The following LRRC7 variants were observed in gnomAD, a reference collection of about 807,000 sequenced individuals.
The protein encoded by LRRC7 is leucine rich repeat containing 7.
Under a neutral mutation model 175.7 loss-of-function variants are expected in LRRC7, and 23 were observed. That is an observed-to-expected ratio of 0.13 (90% CI 0.09 to 0.19). The LOEUF is 0.19. LRRC7 is among the 10% of genes least tolerant of loss of function. The probability of loss-of-function intolerance (pLI) is 1.00; values close to 1 mark genes in which losing one functional copy is unlikely to be tolerated. For missense variants in LRRC7, 1,354 were observed against 1,904.7 expected, an observed-to-expected ratio of 0.71 and a Z score of 5.38; for synonymous variants, 685 against 680.9, an observed-to-expected ratio of 1.01 and a Z score of -0.09.
intron 3 of LRRC7, among the ~76,000 whole-genome samples, chr1:69,775,249 G>C (rs970962042): frequency 1.1e-4 from 17 of 152,216 alleles, no homozygotes; most frequent in African/African-American, 4.1e-4. Context: ...ATTTCATTAA[G>C]GTGTTTCAAT....
intron 26 of LRRC7, among the ~76,000 whole-genome samples, chr1:70,118,187 C>T (rs989772449): frequency 2.0e-5 from 3 of 152,018 alleles, no homozygotes; most frequent in Admixed American, 1.3e-4. Flanking sequence ...AATATAGTAA[C>T]ATAGTTGTTT....
intron 1 of LRRC7, among the ~76,000 whole-genome samples, chr1:69,623,626 C>T (rs1651004967): frequency 6.6e-6 from 1 of 150,552 alleles, no homozygotes; most frequent in African/African-American, 2.4e-5. Flanking sequence ...TCTCGGCTCA[C>T]CGCAACCTCT....
In LRRC7 at chr1:69,647,179, G is replaced by A. The variant is rs189030389; in HGVS notation, c.3-31202G>A. ...TGAGAAATGAGTTTGTACTTAAATG[G>A]GCAGAAAATTAGCCAAAAGTCATCC... On this transcript the variant is annotated intron_variant, in intron 1 of 26. Transcript: ENST00000651989. Among the ~76,000 whole-genome samples, 266 of 152,064 alleles carry A rather than the reference G, an allele frequency of 1.7e-3. 1 individual carries two copies. Among genetic ancestry groups the A allele is most frequent in the African/African-American group, 6.1e-3 (254 of 41,494 alleles).
chr1:69,903,746 T>C (rs1361696224), intron 7 of LRRC7, among the ~76,000 whole-genome samples: 4 of 151,772 alleles, frequency 2.6e-5, no homozygotes, highest in Non-Finnish European at 5.9e-5. Flanking sequence ...ACTAACAAAA[T>C]AGATCACTAG....
At chr1:69,961,978 A>C (rs1052988695) in intron 8 of LRRC7, among the ~76,000 whole-genome samples, 1 of 152,148 alleles carries the variant, frequency 6.6e-6, no homozygotes, top group African/African-American at 2.4e-5. Flanking sequence ...AAAAAGCAAA[A>C]ATTAACAAAT....
intron 4 of LRRC7, among the ~76,000 whole-genome samples, chr1:69,811,919 TAAA>T (rs968968876): frequency 6.6e-6 from 1 of 152,012 alleles, no homozygotes; most frequent in African/African-American, 2.4e-5. Flanking sequence ...TAAACTATAA[TAAA>T]AAATTTTTAA....
intron 3 of LRRC7, among the ~76,000 whole-genome samples, chr1:69,781,590 G>A (rs1037586940): frequency 4.7e-5 from 7 of 150,244 alleles, no homozygotes; most frequent in Non-Finnish European, 8.9e-5. Flanking sequence ...GCTGAGGCAG[G>A]AGAATCGCTT....
intron 8 of LRRC7, among the ~76,000 whole-genome samples, chr1:69,939,937 A>C (rs1361631206): frequency 6.6e-6 from 1 of 152,118 alleles, no homozygotes; most frequent in African/African-American, 2.4e-5. Flanking sequence ...TTGAAGCATC[A>C]ATCCCAATTT....
chr1:69,779,633 T>C (rs1459118994), intron 3 of LRRC7, among the ~76,000 whole-genome samples: 2 of 152,114 alleles, frequency 1.3e-5, no homozygotes, highest in African/African-American at 4.8e-5. Flanking sequence ...AAGGGAAAAA[T>C]GATTCAACAA....
rs1670888271 is a variant in LRRC7, at chr1:69,760,222, A to G, written c.132A>G (p.Lys44=). ...LQCLEMTTKR[K]IIGRLVPCRC... ...GCCTGGAGATGACCACCAAACGGAA[A>G]ATCATCGGCCGTCTGGTGCCATGCC... is the stretch of plus-strand genomic sequence containing the variant. The change falls in exon 3 of 27, where the codon AAA becomes AAG. Residue 44 remains lysine, a synonymous_variant. Coordinates refer to ENST00000651989, the MANE Select transcript of LRRC7 (RefSeq NM_001370785.2). The G allele has an allele frequency of 6.2e-7, 1 of 1,612,786 alleles. No homozygotes were observed. Among genetic ancestry groups the G allele is most frequent in the Non-Finnish European group, 8.5e-7 (1 of 1,179,238 alleles).
chr1:70,059,788 A>G (rs1016101605), intron 23 of LRRC7, among the ~76,000 whole-genome samples: 4 of 152,040 alleles, frequency 2.6e-5, no homozygotes, highest in African/African-American at 9.7e-5. Flanking sequence ...TGGCCAAATC[A>G]TCATTTGTGC....
At chr1:69,917,085 T>C (rs944725953) in intron 7 of LRRC7, among the ~76,000 whole-genome samples, 1 of 152,184 alleles carries the variant, frequency 6.6e-6, no homozygotes, top group African/African-American at 2.4e-5. Context: ...AATGTAACTA[T>C]AGATTGGTAA....
intron 1 of LRRC7, among the ~76,000 whole-genome samples, chr1:69,666,595 A>G (rs1361693192): frequency 2.0e-5 from 3 of 152,066 alleles, no homozygotes; most frequent in South Asian, 2.1e-4. Flanking sequence ...TTTTCAATTT[A>G]TCATCATATA....
At chr1:69,965,550 C>A (rs573004500) in intron 8 of LRRC7, among the ~76,000 whole-genome samples, 1 of 151,686 alleles carries the variant, frequency 6.6e-6, no homozygotes, top group Non-Finnish European at 1.5e-5. Flanking sequence ...TTTATTCATT[C>A]AATAATTATT....
chr1:69,833,621 C>T (rs185887780), intron 5 of LRRC7, among the ~76,000 whole-genome samples: 17 of 151,790 alleles, frequency 1.1e-4, no homozygotes, highest in African/African-American at 3.1e-4. Flanking sequence ...TGGAATAAAA[C>T]GCAGATATAA....
At chr1:69,672,617 C>A (rs936217454) in intron 1 of LRRC7, among the ~76,000 whole-genome samples, 6 of 152,232 alleles carry the variant, frequency 3.9e-5, no homozygotes, top group South Asian at 4.1e-4. Context: ...ATATTTGAAA[C>A]CTTTATTCTA....
intron 7 of LRRC7, chr1:69,874,396 C>T (rs1685853505): frequency 6.6e-6 from 1 of 152,118 alleles, no homozygotes; most frequent in South Asian, 2.1e-4. Flanking sequence ...TACAAGGTCA[C>T]CATCTTGCTG....
chr1:69,694,634 G>C lies in LRRC7; in HGVS notation c.100+16156G>C, dbSNP rs1662327490. 1.3e-5 allele frequency among the ~76,000 whole-genome samples: 2 copies of C among 152,042 alleles called. 1 individual carries two copies. Among genetic ancestry groups the C allele is most frequent in the South Asian group, 4.2e-4 (2 of 4,810 alleles). On this transcript the variant is annotated intron_variant, in intron 2 of 26. Coordinates refer to ENST00000651989, the MANE Select transcript of LRRC7 (RefSeq NM_001370785.2). ...TAGTGGGTGGTGTTTGATTCATGAG[G>C]GTAGCTCCCTCATGAATGACTTGGT...
intron 4 of LRRC7, among the ~76,000 whole-genome samples, chr1:69,806,035 T>A (rs1427771638): frequency 1.3e-5 from 2 of 151,812 alleles, no homozygotes; most frequent in Non-Finnish European, 2.9e-5. Context: ...AAGAGCAAAC[T>A]TAAATGGGCA....
Sources: allele counts gnomAD v4.1 joint callset (sites outside exome capture counted in the v4.1 genomes callset), GRCh38; gene constraint gnomAD v4.1.1; transcripts MANE v1.5; gene names NCBI Gene and HGNC (gene_info 2026-07-23, HGNC 2026-07-21).